FGF12: variants seen among roughly 807,000 people sequenced by gnomAD.
FGF12 encodes fibroblast growth factor 12.
A neutral mutation model predicts 23.6 loss-of-function variants in FGF12; 14 were observed. The ratio of observed to expected loss-of-function variants is 0.59; its 90% CI spans 0.39 to 0.93. The LOEUF is 0.93. FGF12 is among the 40% of genes least tolerant of loss of function. The pLI is 0.00. For synonymous variants in FGF12, 62 were observed against 77.3 expected, an observed-to-expected ratio of 0.80 and a Z score of 1.04; for missense variants, 175 against 217.8, an observed-to-expected ratio of 0.80 and a Z score of 1.24.
intron 2 of FGF12, among the ~76,000 whole-genome samples, chr3:192,406,158 G>A (rs1435464618): frequency 1.3e-5 from 2 of 152,042 alleles, no homozygotes; most frequent in East Asian, 1.9e-4. Flanking sequence ...CTAAGGAAGA[G>A]CCCACAGGAA....
chr3:192,453,636 G>A (rs919472758), intron 2 of FGF12, among the ~76,000 whole-genome samples: 1 of 152,126 alleles, frequency 6.6e-6, no homozygotes, highest in African/African-American at 2.4e-5. Flanking sequence ...TTCCTTCAGA[G>A]AATATTTGCA....
chr3:192,416,437 C>A (rs1386441767), intron 2 of FGF12, among the ~76,000 whole-genome samples: 1 of 151,928 alleles, frequency 6.6e-6, no homozygotes, highest in Non-Finnish European at 1.5e-5. Context: ...CATTATAGGA[C>A]CTAAATTGGT....
rs1372166840 is a variant in FGF12, at chr3:192,360,381, C to T, written c.124+47G>A. The T allele has an allele frequency of 6.2e-6, 8 of 1,300,212 alleles. No homozygotes were observed. The South Asian group carries it at 9.5e-5, about 15-fold the overall frequency. 80.5% of individuals were successfully genotyped at this position (1,300,212 alleles called of 1,614,324 possible). A position where few individuals can be genotyped will look rare whatever the true frequency, so the allele number is the denominator to read the frequency against. On this transcript the variant is annotated intron_variant, in intron 3 of 5. Transcript: ENST00000445105. This position sits in a 1 kb window ranked among gnomAD's most constrained non-coding sequence, Gnocchi z 4.3. ...GCTTTAAGTATAAGATACACTGGGCCCTACATTTGATTTGTAATCAGATTG... is the reference window on the plus strand; with the variant it reads ...GCTTTAAGTATAAGATACACTGGGCTCTACATTTGATTTGTAATCAGATTG...
At chr3:192,270,242 C>T (rs1713347965) in intron 4 of FGF12, among the ~76,000 whole-genome samples, 1 of 152,088 alleles carries the variant, frequency 6.6e-6, no homozygotes, top group Non-Finnish European at 1.5e-5. Flanking sequence ...CAATGAAAAG[C>T]AAAAGCATTT....
intron 2 of FGF12, among the ~76,000 whole-genome samples, chr3:192,512,837 T>TAAATAA (rs1553823899): frequency 0.011 from 857 of 75,884 alleles, 22 homozygotes; most frequent in African/African-American, 0.027. Context: ...CTCAAATAAA[T>TAAATAA]ATATATATAT....
chr3:192,604,232 A>C (rs1283979993), intron 2 of FGF12, among the ~76,000 whole-genome samples: 1 of 152,148 alleles, frequency 6.6e-6, no homozygotes, highest in Non-Finnish European at 1.5e-5. Flanking sequence ...CACTGATTTC[A>C]TACTGTTTGA....
intron 4 of FGF12, among the ~76,000 whole-genome samples, chr3:192,300,794 A>C (rs1715307391): frequency 6.6e-6 from 1 of 152,088 alleles, no homozygotes; most frequent in African/African-American, 2.4e-5. Flanking sequence ...AGGGGGGCTG[A>C]GCACTTGCAA....
At chr3:192,634,628 C>G (rs1438148899) in intron 2 of FGF12, among the ~76,000 whole-genome samples, 2 of 152,050 alleles carry the variant, frequency 1.3e-5, no homozygotes, top group African/African-American at 4.8e-5. Flanking sequence ...AGCCCCATAC[C>G]TTACTATCTC....
chr3:192,475,121 A>G (rs1036554055), intron 2 of FGF12, among the ~76,000 whole-genome samples: 1 of 152,180 alleles, frequency 6.6e-6, no homozygotes, highest in Non-Finnish European at 1.5e-5. Flanking sequence ...AGTACTATTG[A>G]ATATAATTTG....
intron 5 of FGF12, among the ~76,000 whole-genome samples, chr3:192,169,233 C>T (rs1715402710): frequency 2.0e-5 from 3 of 151,976 alleles, no homozygotes; most frequent in African/African-American, 7.3e-5. Context: ...CCCAGCTACC[C>T]AGGAGGCTGA....
intron 4 of FGF12, among the ~76,000 whole-genome samples, chr3:192,249,495 T>C (rs1711857583): frequency 6.6e-6 from 1 of 152,148 alleles, no homozygotes; most frequent in Admixed American, 6.5e-5. Context: ...GGGTCTTGAA[T>C]GCTACCTTTC....
chr3:192,610,314 A>G (rs1342587440), intron 2 of FGF12, among the ~76,000 whole-genome samples: 2 of 152,002 alleles, frequency 1.3e-5, no homozygotes, highest in African/African-American at 4.8e-5. Flanking sequence ...TTTATTGTAC[A>G]TTGTCTGCAA....
chr3:192,243,321 A>T (rs1719716423), intron 4 of FGF12, among the ~76,000 whole-genome samples: 1 of 152,024 alleles, frequency 6.6e-6, no homozygotes, highest in Non-Finnish European at 1.5e-5. Flanking sequence ...GAAGAGGTAG[A>T]CTTGCTGTTA....
intron 2 of FGF12, among the ~76,000 whole-genome samples, chr3:192,638,547 A>T (rs1379100746): frequency 6.6e-6 from 1 of 152,244 alleles, no homozygotes; most frequent in Non-Finnish European, 1.5e-5. Context: ...TTTCAAAATT[A>T]CTGCCATTAT....
intron 2 of FGF12, among the ~76,000 whole-genome samples, chr3:192,689,061 T>C (rs752544510): frequency 3.9e-5 from 6 of 152,072 alleles, no homozygotes; most frequent in Non-Finnish European, 2.9e-5. Flanking sequence ...AGTACAATGA[T>C]AGATATCAGA....
At position 192,149,975 on chromosome 3, in the gene FGF12, T is replaced by C. The variant is rs1713958149; in HGVS notation, c.428-5848A>G. Among the ~76,000 whole-genome samples, 2 of 119,020 alleles carry C rather than the reference T, an allele frequency of 1.7e-5. 1 individual carries two copies. The highest frequency in any genetic ancestry group is 3.6e-5 in the Non-Finnish European group (2 of 55,042). 78.1% of individuals were successfully genotyped at this position (119,020 alleles called of 152,430 possible). ...ATTTCTCCACGTCCTCTCCAGCACC[T>C]GTTGTCTCCTGACTTTTTAATGATT... On this transcript the variant is annotated intron_variant, in intron 5 of 5. Transcript: ENST00000445105.
chr3:192,259,369 A>G (rs541592419), intron 4 of FGF12, among the ~76,000 whole-genome samples: 4 of 152,272 alleles, frequency 2.6e-5, no homozygotes, highest in Non-Finnish European at 5.9e-5. Flanking sequence ...CTATGGTTCA[A>G]TGGCTGTAAA....
intron 2 of FGF12, among the ~76,000 whole-genome samples, chr3:192,690,609 C>A (rs1247173313): frequency 1.0e-4 from 15 of 147,240 alleles, no homozygotes; most frequent in Non-Finnish European, 1.8e-4. Context: ...AAAAAAATCA[C>A]CCAATCACAA....
intron 4 of FGF12, among the ~76,000 whole-genome samples, chr3:192,208,917 T>C (rs1717791333): frequency 6.6e-6 from 1 of 152,250 alleles, no homozygotes; most frequent in African/African-American, 2.4e-5. Context: ...GTACCTTCAG[T>C]TGAACTAGTT....
Sources: gnomAD v4.1 joint callset for allele counts (sites outside exome capture counted in the v4.1 genomes callset) on GRCh38, gnomAD v4.1.1 for gene constraint, Gnocchi (gnomAD v3.1) non-coding constraint, MANE v1.5 for transcripts, NCBI Gene and HGNC (gene_info 2026-07-23, HGNC 2026-07-21) for gene names.